The following PROS1 variants were observed in gnomAD, a reference collection of about 807,000 sequenced individuals.
PROS1 encodes the protein protein S, also known as vitamin K-dependent protein S.
A neutral mutation model predicts 75.9 loss-of-function variants in PROS1; 29 were observed. The observed-to-expected ratio is 0.38, with a 90% confidence interval of 0.28 to 0.52. PROS1 has a LOEUF of 0.52. Ranked by LOEUF, PROS1 falls within the 20% of genes least tolerant of loss-of-function variation. PROS1 has a pLI of 0.83. For synonymous variants in PROS1, 245 were observed against 280.6 expected (o/e 0.87, Z 1.27); for missense variants, 680 against 810.3 (o/e 0.84, Z 1.95).
intron 10 of PROS1, among the ~76,000 whole-genome samples, chr3:93,886,980 G>T (rs892135015): frequency 6.7e-6 from 1 of 149,870 alleles, no homozygotes; most frequent in Admixed American, 6.7e-5. Context: ...CTGCAGTGGC[G>T]CAATCTCGGC....
At chr3:93,920,568 T>C (rs1041075468) in intron 3 of PROS1, among the ~76,000 whole-genome samples, 2 of 152,180 alleles carry the variant, frequency 1.3e-5, no homozygotes, top group African/African-American at 4.8e-5. Context: ...CTATGGATTC[T>C]ATTTTTTTCC....
At chr3:93,964,975 T>C (rs1665655604) in intron 1 of PROS1, among the ~76,000 whole-genome samples, 1 of 152,134 alleles carries the variant, frequency 6.6e-6, no homozygotes, top group Non-Finnish European at 1.5e-5. Flanking sequence ...ACATCCACCT[T>C]TAAACAAGGG....
intron 1 of PROS1, among the ~76,000 whole-genome samples, chr3:93,944,381 A>T (rs1709345193): frequency 1.3e-5 from 2 of 152,130 alleles, no homozygotes; most frequent in Non-Finnish European, 2.9e-5. Context: ...TCTCAGCACC[A>T]CATCAATGAC....
At chr3:93,891,788 A>C (rs1708434317) in intron 10 of PROS1, among the ~76,000 whole-genome samples, 1 of 152,100 alleles carries the variant, frequency 6.6e-6, no homozygotes, top group Non-Finnish European at 1.5e-5. Context: ...GGTCCGGTAC[A>C]ATGGCTCATG....
intron 3 of PROS1, chr3:93,911,121 C>T (rs1416398880): frequency 4.7e-6 from 1 of 214,560 alleles, no homozygotes; most frequent in Non-Finnish European, 9.4e-6. Context: ...GTTCGTGTTT[C>T]TACTTGCTAT....
chr3:93,956,824 A>G (rs1305140568), intron 1 of PROS1, among the ~76,000 whole-genome samples: 1 of 152,170 alleles, frequency 6.6e-6, no homozygotes, highest in Admixed American at 6.6e-5. Context: ...AAAGATTTAA[A>G]ATGAAGTTAA....
chr3:93,921,609 G>C (rs543716650), intron 3 of PROS1, among the ~76,000 whole-genome samples: 1 of 152,218 alleles, frequency 6.6e-6, no homozygotes, highest in South Asian at 2.1e-4. Flanking sequence ...TGAAATTACA[G>C]ATATTTTATG....
intron 1 of PROS1, among the ~76,000 whole-genome samples, chr3:93,971,668 C>CACAT (rs1709884057): frequency 6.6e-6 from 1 of 150,984 alleles, no homozygotes; most frequent in Non-Finnish European, 1.5e-5. Flanking sequence ...CACACACACA[C>CACAT]ACATAAATTA....
rs189009454 is a variant in PROS1 at position 93,913,341 on chromosome 3, C to T, written c.260-2636G>A. On this transcript the variant is annotated intron_variant, in intron 3 of 14. Coordinates refer to ENST00000394236, the MANE Select transcript of PROS1 (RefSeq NM_000313.4). ...ATAATTGAATCATGGGGGCAATTTC[C>T]CCGATACTGTGCTCATGGTAGTGAG... Among the ~76,000 whole-genome samples the T allele has an allele frequency of 6.7e-3, 1,019 of 152,256 alleles. 16 individuals are homozygous for T. The highest frequency in any genetic ancestry group is 0.023 in the African/African-American group (976 of 41,550).
chr3:93,967,164 A>G (rs1709804403), intron 1 of PROS1, among the ~76,000 whole-genome samples: 1 of 152,304 alleles, frequency 6.6e-6, no homozygotes, highest in Admixed American at 6.5e-5. Flanking sequence ...AAGTAAAAAC[A>G]CCAAATTTTT....
intron 3 of PROS1, among the ~76,000 whole-genome samples, chr3:93,917,387 C>T (rs1576193218): frequency 6.6e-6 from 1 of 152,256 alleles, no homozygotes. Flanking sequence ...GCAACCTCCA[C>T]CTCCTGGGTT....
chr3:93,925,239 A>G (rs1331142975), intron 2 of PROS1, among the ~76,000 whole-genome samples: 1 of 152,194 alleles, frequency 6.6e-6, no homozygotes, highest in African/African-American at 2.4e-5. Flanking sequence ...AGAAACCAGA[A>G]TTTCTACACA....
In PROS1 at chr3:93,920,632, T is replaced by C. The variant is rs888685413; in HGVS notation, c.259+3608A>G. ...GGAATATACTATAGCTTATGATCTATACAATCCCTATTTTTCTTTTCTTAT... is the reference window on the plus strand; with the variant it reads ...GGAATATACTATAGCTTATGATCTACACAATCCCTATTTTTCTTTTCTTAT... On this transcript the variant is annotated intron_variant, in intron 3 of 14. Transcript: ENST00000394236. 5.3e-5 allele frequency among the ~76,000 whole-genome samples: 8 copies of C among 152,298 alleles called. No individual in the cohort carries two copies. In the South Asian group the frequency reaches 6.2e-4, roughly 12 times the overall value.
At chr3:93,907,965 A>G (rs1470639098) in intron 4 of PROS1, among the ~76,000 whole-genome samples, 1 of 152,088 alleles carries the variant, frequency 6.6e-6, no homozygotes. Flanking sequence ...CTAGGCAACA[A>G]GGTGAAACCC....
At position 93,973,713 on chromosome 3, in the gene PROS1, C is replaced by G; in HGVS notation, c.37G>C (p.Ala13Pro). 6.2e-7 allele frequency: 1 copy of G among 1,614,004 alleles called. No individual in the cohort carries two copies. Residue 13 changes from alanine (A) to proline (P), a missense_variant, in exon 1 of 15, where the codon GCG (alanine) becomes CCG (proline). Ala to Pro is a conservative substitution (Grantham distance 27). Coordinates refer to ENST00000394236, the MANE Select transcript of PROS1 (RefSeq NM_000313.4). ...ACGGGAAGCACTAGGAGGAGACACGCCAGCAGCGCCCCGCAGCGCCCACCC... is the reference window on the plus strand; with the variant it reads ...ACGGGAAGCACTAGGAGGAGACACGGCAGCAGCGCCCCGCAGCGCCCACCC... ...VLGGRCGALL[A>P]CLLLVLPVSE...
chr3:93,946,805 T>C lies in PROS1; in HGVS notation c.77-19398A>G, dbSNP rs577725269. On this transcript the variant is annotated intron_variant, in intron 1 of 14. Transcript: ENST00000394236. ...GGCAACAAAAGCCAAAATTGACAAA[T>C]GGGATCTAATTAAACTAAAGAGCTT... is the stretch of plus-strand genomic sequence containing the variant. 8.1e-5 allele frequency among the ~76,000 whole-genome samples: 10 copies of C among 123,832 alleles called. No individual in the cohort carries two copies. In the South Asian group the frequency reaches 2.5e-3, roughly 31 times the overall value. The allele number at this position is 123,832 out of a possible 152,430, so 81.2% of individuals were successfully genotyped here.
chr3:93,917,265 TTTTGTTTTTTTG>T (rs148601122), intron 3 of PROS1, among the ~76,000 whole-genome samples: 15,221 of 152,216 alleles, frequency 0.1, 781 homozygotes, highest in Middle Eastern at 0.21. Context: ...GTTATGTGGT[TTTTGTTTTTTTG>T]TTTGTTTGTT....
rs769404555 is a variant in PROS1 at position 93,884,739 on chromosome 3, T to C, written c.1481A>G (p.His494Arg). ...GGAAAATCACTTACTATAATCTATG[T>C]GAAATTGAGCAATTCCAGAACCAGG... ...YYPGSGIAQF[H>R]IDYNNVSSAE... The change falls in exon 12 of 15, where the codon CAC (histidine) becomes CGC (arginine). Residue 494 changes from histidine to arginine, a missense_variant. Coordinates refer to ENST00000394236, the MANE Select transcript of PROS1 (RefSeq NM_000313.4). The C allele has an allele frequency of 1.9e-6, 3 of 1,613,112 alleles. No individual in the cohort carries two copies. Among genetic ancestry groups the C allele is most frequent in the Admixed American group, 1.7e-5 (1 of 59,968 alleles).
intron 6 of PROS1, among the ~76,000 whole-genome samples, chr3:93,901,778 C>T (rs905326970): frequency 6.6e-6 from 1 of 152,134 alleles, no homozygotes; most frequent in African/African-American, 2.4e-5. Context: ...TTGACTGTAT[C>T]ATTGTCAATG....
Sources: gnomAD v4.1 joint callset for allele counts (sites outside exome capture counted in the v4.1 genomes callset) on GRCh38, gnomAD v4.1.1 for gene constraint, MANE v1.5 for transcripts, NCBI Gene and HGNC (gene_info 2026-07-23, HGNC 2026-07-21) for gene names.